Variants in ALS2 observed in about 807,000 individuals in gnomAD.
The protein encoded by ALS2 is alsin Rho guanine nucleotide exchange factor ALS2.
In ALS2, 117 loss-of-function variants were observed where a neutral mutation model predicts 203.4. That is an observed-to-expected ratio of 0.58 (90% confidence interval 0.50 to 0.67). The LOEUF (loss-of-function observed/expected upper bound fraction) is 0.67, where lower values mean the gene tolerates loss of function less well. Among genes scored for constraint, ALS2 ranks in the 30% least tolerant of loss-of-function variants. The pLI is 0.00. For synonymous variants in ALS2, 718 were observed against 725.9 expected (o/e 0.99, Z 0.17); for missense variants, 1,715 against 1,989.4 (o/e 0.86, Z 2.62).
At chr2:201,728,746 C>G in intron 14 of ALS2, 106 bp from the exon 15 acceptor site, 1 of 1,359,332 alleles carries the variant, frequency 7.4e-7, no homozygotes, top group African/African-American at 1.5e-5. Flanking sequence ...ATTTGCTGGT[C>G]GTAGCTTAGC....
chr2:201,741,413 C>A (rs966229343), intron 11 of ALS2: 1 of 402,460 alleles, frequency 2.5e-6, no homozygotes, highest in Non-Finnish European at 4.6e-6. Flanking sequence ...TATTATAGTA[C>A]ATTTAATGTA....
chr2:201,769,046 G>A (rs988037605), intron 1 of ALS2, 101 bp from the exon 2 acceptor site: 12 of 582,380 alleles, frequency 2.1e-5, no homozygotes, highest in Admixed American at 1.3e-4. Flanking sequence ...CATTCACTAG[G>A]AAATAAATAT....
At chr2:201,723,206 T>G in intron 22 of ALS2, 86 bp from the exon 23 acceptor site, 1 of 1,394,634 alleles carries the variant, frequency 7.2e-7, no homozygotes, top group East Asian at 2.3e-5. Context: ...CAAAGCCTTA[T>G]GGAATCTTAA....
intron 1 of ALS2, among the ~76,000 whole-genome samples, chr2:201,780,585 G>T (rs955951840): frequency 6.6e-6 from 1 of 152,344 alleles, no homozygotes. Context: ...ATTTCACGCA[G>T]CTGAGACCAC....
At chr2:201,717,391 G>A (rs111291467) in intron 24 of ALS2, among the ~76,000 whole-genome samples, 11,840 of 149,032 alleles carry the variant, frequency 0.079, 558 homozygotes, top group East Asian at 0.24. Flanking sequence ...GCTTGAACCC[G>A]GGAGACAGAC....
chr2:201,712,475 C>T (rs185392452), intron 25 of ALS2, among the ~76,000 whole-genome samples: 213 of 152,236 alleles, frequency 1.4e-3, no homozygotes, highest in African/African-American at 4.8e-3. Flanking sequence ...CTTTAGAAAG[C>T]AACTGACATG....
At chr2:201,763,787 T>C (rs1255658797) in intron 3 of ALS2, among the ~76,000 whole-genome samples, 1 of 152,194 alleles carries the variant, frequency 6.6e-6, no homozygotes, top group African/African-American at 2.4e-5. Flanking sequence ...TACTGTAGTA[T>C]TGTGGGAGCT....
intron 25 of ALS2, 28 bp from the exon 26 acceptor site, chr2:201,711,136 G>A (rs373482455): frequency 7.3e-7 from 1 of 1,363,016 alleles, no homozygotes; most frequent in Non-Finnish European, 1.0e-6. Context: ...AAAGTCTGTT[G>A]TATTTCACAT....
intron 23 of ALS2, among the ~76,000 whole-genome samples, chr2:201,721,638 A>C (rs970242764): frequency 2.6e-5 from 4 of 151,502 alleles, no homozygotes; most frequent in Admixed American, 2.0e-4. Context: ...TGAATCACAG[A>C]CCTAAATATA....
chr2:201,748,981 T>C (rs1455144187), intron 8 of ALS2, among the ~76,000 whole-genome samples: 2 of 152,180 alleles, frequency 1.3e-5, no homozygotes, highest in African/African-American at 4.8e-5. Context: ...GATATCAGAA[T>C]CCAACTACAT....
At chr2:201,729,660 C>T (rs1254684523) in intron 13 of ALS2, among the ~76,000 whole-genome samples, 1 of 152,010 alleles carries the variant, frequency 6.6e-6, no homozygotes, top group Non-Finnish European at 1.5e-5. Context: ...GCAGGCGGAT[C>T]ACGAGGTCAG....
At chr2:201,732,212 G>A (rs746774043) in intron 13 of ALS2, among the ~76,000 whole-genome samples, 1 of 152,064 alleles carries the variant, frequency 6.6e-6, no homozygotes, top group Non-Finnish European at 1.5e-5. Context: ...ACTCTGAGGG[G>A]TGAAATCTGT....
chr2:201,771,215 T>C (rs1243524464), intron 1 of ALS2, among the ~76,000 whole-genome samples: 2 of 151,896 alleles, frequency 1.3e-5, no homozygotes, highest in Non-Finnish European at 2.9e-5. Flanking sequence ...CCTAGCTAAT[T>C]TTTGTATTTT....
intron 10 of ALS2, among the ~76,000 whole-genome samples, chr2:201,743,261 T>A (rs1380073419): frequency 6.6e-6 from 1 of 151,906 alleles, no homozygotes; most frequent in Non-Finnish European, 1.5e-5. Context: ...GAAAAAAAAT[T>A]TGAAATAGGA....
At chr2:201,760,103 G>T (rs1693664939) in intron 4 of ALS2, 24 of 797,748 alleles carry the variant, frequency 3.0e-5, no homozygotes, top group African/African-American at 3.8e-5. Context: ...TGGGAGGATT[G>T]CTTGAGCTCA....
At position 201,733,456 on chromosome 2, in the gene ALS2, A is replaced by G; in HGVS notation, c.2418-18T>C. 6.2e-7 allele frequency: 1 copy of G among 1,610,608 alleles called. No homozygotes were observed. The highest frequency in any genetic ancestry group is 1.3e-5 in the African/African-American group (1 of 75,006). On this transcript the variant is annotated intron_variant, in intron 12 of 33. Transcript: ENST00000264276. ...GGAAATCACTAGAGGCAGAGGAAAA[A>G]AAAATTTAGTTAATCATTTTGGAAT... is the stretch of plus-strand genomic sequence containing the variant.
intron 29 of ALS2, among the ~76,000 whole-genome samples, chr2:201,706,558 T>C (rs1452426270): frequency 6.8e-6 from 1 of 147,040 alleles, no homozygotes; most frequent in Non-Finnish European, 1.5e-5. Context: ...TATATATAAC[T>C]ATACATAATA....
At chr2:201,750,870 G>A (rs1172582745) in intron 7 of ALS2, among the ~76,000 whole-genome samples, 1 of 76,618 alleles carries the variant, frequency 1.3e-5, no homozygotes, top group Admixed American at 1.5e-4. Context: ...TTTTTTTTTT[G>A]GAAGCAGAGT....
chr2:201,779,751 C>T (rs1694815320), intron 1 of ALS2, among the ~76,000 whole-genome samples: 1 of 152,140 alleles, frequency 6.6e-6, no homozygotes, highest in South Asian at 2.1e-4. Context: ...AAATAACTTG[C>T]CCAAAATCAA....
Sources: gnomAD v4.1 joint callset for allele counts (sites outside exome capture counted in the v4.1 genomes callset) on GRCh38, gnomAD v4.1.1 for gene constraint, MANE v1.5 for transcripts, NCBI Gene and HGNC (gene_info 2026-07-23, HGNC 2026-07-21) for gene names.